Variants in MRPL52 observed in about 807,000 individuals in gnomAD.
MRPL52 encodes large ribosomal subunit protein mL52.
A neutral mutation model predicts 22.1 loss-of-function variants in MRPL52; 19 were observed. The observed-to-expected ratio is 0.86, with a 90% CI of 0.60 to 1.26. MRPL52 has a LOEUF of 1.26. Among genes scored for constraint, MRPL52 ranks in the 50% most tolerant of loss-of-function variants. The probability of loss-of-function intolerance (pLI) is 0.00; values close to 1 mark genes in which losing one functional copy is unlikely to be tolerated. For missense variants in MRPL52, 152 were observed against 148.1 expected (o/e 1.03, Z -0.14); for synonymous variants, 50 against 57.5 (o/e 0.87, Z 0.59).
chr14:22,830,000 C>A (rs1166078337), intron 1 of MRPL52, 53 bp from the exon 2 acceptor site: 1 of 1,613,330 alleles, frequency 6.2e-7, no homozygotes, highest in Non-Finnish European at 8.5e-7. Flanking sequence ...GGCACAGGAC[C>A]CCTGATCCGG....
chr14:22,832,536 T>G (rs1183326558), intron 3 of MRPL52, among the ~76,000 whole-genome samples: 1 of 151,806 alleles, frequency 6.6e-6, no homozygotes, highest in African/African-American at 2.4e-5. Flanking sequence ...GAGACAGGGT[T>G]TCACCGTGTT....
chr14:22,833,972 C>G (rs1440888800), intron 4 of MRPL52, among the ~76,000 whole-genome samples, 200 bp from the exon 5 acceptor site: 1 of 152,236 alleles, frequency 6.6e-6, no homozygotes, highest in African/African-American at 2.4e-5. Flanking sequence ...GAGTGGGGCA[C>G]TCCCAGGACA....
rs987670533 is a variant in MRPL52, at chr14:22,830,403, CTTGT to C, written c.154+152_154+155del. 5 of 756,670 alleles carry C rather than the reference CTTGT, an allele frequency of 6.6e-6. No homozygotes were observed. In the Admixed American group the frequency reaches 7.5e-5, roughly 11 times the overall value. 46.9% of individuals were successfully genotyped at this position (756,670 alleles called of 1,614,324 possible). A position where few individuals can be genotyped will look rare whatever the true frequency, so the allele number is the denominator to read the frequency against. On this transcript the variant is annotated intron_variant, in intron 3 of 4. Transcript: ENST00000397496. Reference sequence around the variant, plus strand: ...AACGGAATTTGGGGAAAGAAACCCTCTTGTTTATTTTGTAGATTGCATTTCGACT... The same window carrying C: ...AACGGAATTTGGGGAAAGAAACCCTCTTATTTTGTAGATTGCATTTCGACT...
At chr14:22,831,147 C>G (rs1263905167) in intron 3 of MRPL52, 8 of 461,774 alleles carry the variant, frequency 1.7e-5, no homozygotes, top group Non-Finnish European at 2.8e-5. Flanking sequence ...GGGTCTTGCC[C>G]TGTCACCCAG....
At chr14:22,834,111 G>T in intron 4 of MRPL52, 61 bp from the exon 5 acceptor site, 3 of 1,562,438 alleles carry the variant, frequency 1.9e-6, no homozygotes, top group South Asian at 2.4e-5. Context: ...TAAGTGGAAG[G>T]ATATATAGTA....
chr14:22,831,233 C>A (rs2138708750), intron 3 of MRPL52: 1 of 506,532 alleles, frequency 2.0e-6, no homozygotes, highest in East Asian at 3.3e-5. Flanking sequence ...CCACCTCAGC[C>A]CCCCAAGTAG....
At position 22,834,417 on chromosome 14, in the gene MRPL52, C is replaced by T; in HGVS notation, c.*96C>T. The stretch of plus-strand genomic sequence containing the variant: ...GCCAGAAGATAGCCTTCACGTTCCC[C>T]ATCTGTCTTCAGAGAAAAAGAGCTG... On this transcript the variant is annotated 3_prime_UTR_variant, in exon 5 of 5. Transcript: ENST00000397496. 7.2e-7 allele frequency: 1 copy of T among 1,381,142 alleles called. No homozygotes were observed. 85.6% of individuals were successfully genotyped at this position (1,381,142 alleles called of 1,614,324 possible).
At chr14:22,832,413 T>C (rs1468351034) in intron 3 of MRPL52, among the ~76,000 whole-genome samples, 1 of 152,108 alleles carries the variant, frequency 6.6e-6, no homozygotes, top group African/African-American at 2.4e-5. Flanking sequence ...CGATCTTGGC[T>C]CACTGCAAGC....
chr14:22,833,646 C>G (rs923304374), intron 4 of MRPL52, among the ~76,000 whole-genome samples, 164 bp downstream of exon 4: 1 of 151,972 alleles, frequency 6.6e-6, no homozygotes, highest in Non-Finnish European at 1.5e-5. Flanking sequence ...TTTTGTGAGA[C>G]GGAGTTTCGC....
intron 4 of MRPL52, 142 bp from the exon 5 acceptor site, chr14:22,834,030 C>A: frequency 2.2e-6 from 2 of 905,948 alleles, no homozygotes; most frequent in African/African-American, 3.4e-5. Flanking sequence ...TCTCCCTCTG[C>A]TTCCCAAGCC....
In MRPL52 at chr14:22,830,236, C is replaced by G; in HGVS notation, c.136C>G (p.Pro46Ala). 1 of 1,614,262 alleles carries G rather than the reference C, an allele frequency of 6.2e-7. No individual in the cohort carries two copies. Residue 46 changes from proline to alanine, a missense_variant, in exon 3 of 5, where the codon CCA (proline) becomes GCA (alanine). Pro to Ala is a conservative substitution (Grantham distance 27, BLOSUM62 -1). Transcript: ENST00000397496. Reference protein sequence around the residue: ...PSGYGPLTELPDWSYADGRPA... With the variant: ...PSGYGPLTELADWSYADGRPA... The stretch of plus-strand genomic sequence containing the variant: ...CGGCTACGGGCCCCTTACCGAGCTC[C>G]CAGACTGGTCATATGCGGGTAAGCG...
intron 4 of MRPL52, among the ~76,000 whole-genome samples, chr14:22,833,766 C>G (rs150899709): frequency 6.6e-6 from 1 of 152,174 alleles, no homozygotes; most frequent in Admixed American, 6.5e-5. Flanking sequence ...GGATTACACA[C>G]GTGTGCCACC....
At position 22,833,468 on chromosome 14, in the gene MRPL52, A is replaced by G; in HGVS notation, c.205A>G (p.Arg69Gly). ...MKGQLRRKAE[R>G]ETFARRVVLL... ...AGGCCAGCTTCGAAGAAAAGCTGAA[A>G]GGGAGACGTTTGCAGTGAGTGGTTA... The change falls in exon 4 of 5, where the codon AGG (arginine) becomes GGG (glycine). Residue 69 changes from arginine to glycine, a missense_variant. Arg to Gly is a moderately radical substitution (Grantham distance 125). Coordinates refer to ENST00000397496, the MANE Select transcript of MRPL52 (RefSeq NM_180982.3). 2 of 1,613,752 alleles carry G rather than the reference A, an allele frequency of 1.2e-6. No individual in the cohort carries two copies. The highest frequency in any genetic ancestry group is 1.7e-6 in the Non-Finnish European group (2 of 1,179,624).
chr14:22,834,460 T>C lies in MRPL52; in HGVS notation c.*139T>C. On this transcript the variant is annotated 3_prime_UTR_variant, in exon 5 of 5. Transcript: ENST00000397496. ...AAGAGCTGGGACACCAAGAACAAGC[T>C]GTTAGATCACTGCCTGGGAGGCTTG... is the stretch of plus-strand genomic sequence containing the variant. 1 of 965,030 alleles carries C rather than the reference T, an allele frequency of 1.0e-6. No homozygotes were observed. The allele number at this position is 965,030 out of a possible 1,614,324, so 59.8% of individuals were successfully genotyped here.
chr14:22,830,999 G>C, intron 3 of MRPL52: 1 of 1,527,412 alleles, frequency 6.5e-7, no homozygotes, highest in South Asian at 1.2e-5. Flanking sequence ...ATTGGTGACT[G>C]AGGAAGATGG....
intron 4 of MRPL52, 151 bp downstream of exon 4, chr14:22,833,633 G>GT: frequency 1.6e-6 from 1 of 621,218 alleles, no homozygotes; most frequent in East Asian, 2.9e-5. Flanking sequence ...TTTTGTTTTT[G>GT]TTTTTTGTGA....
Position 22,834,230 on chromosome 14 carries a change from GGCA to G in MRPL52, c.283_285del (p.Gln95del). ...GCTGGATTACAAGCATGGCAGCTCAGGCAGCAGAAGTTGCAGGAAGAACAAAGG... is the reference window on the plus strand; with the variant it reads ...GCTGGATTACAAGCATGGCAGCTCAGGCAGAAGTTGCAGGAAGAACAAAGG... On this transcript the variant is annotated inframe_deletion, in exon 5 of 5. Transcript: ENST00000397496. The G allele has an allele frequency of 6.2e-7, 1 of 1,614,188 alleles. No individual in the cohort carries two copies. The highest frequency in any genetic ancestry group is 1.1e-5 in the South Asian group (1 of 91,078).
chr14:22,834,162 T>C lies in MRPL52; in HGVS notation c.220-10T>C, dbSNP rs769045585. The C allele has an allele frequency of 2.5e-6, 4 of 1,613,704 alleles. No homozygotes were observed. The highest frequency in any genetic ancestry group is 3.4e-6 in the Non-Finnish European group (4 of 1,179,842). On this transcript the variant is annotated splice_polypyrimidine_tract_variant and intron_variant, in intron 4 of 4. Coordinates refer to ENST00000397496, the MANE Select transcript of MRPL52 (RefSeq NM_180982.3). The stretch of plus-strand genomic sequence containing the variant: ...AGATGTTATCCACACTGTTTTCCTG[T>C]CTGTTTCAGAGACGAGTTGTACTGC...
At chr14:22,833,992 A>T (rs1044126231) in intron 4 of MRPL52, among the ~76,000 whole-genome samples, 180 bp from the exon 5 acceptor site, 1 of 152,248 alleles carries the variant, frequency 6.6e-6, no homozygotes, top group African/African-American at 2.4e-5. Context: ...AGGAACCAGT[A>T]GTAGACATCC....
Sources: gnomAD v4.1 joint callset for allele counts (sites outside exome capture counted in the v4.1 genomes callset) on GRCh38, gnomAD v4.1.1 for gene constraint, MANE v1.5 for transcripts, NCBI Gene and HGNC (gene_info 2026-07-23, HGNC 2026-07-21) for gene names.